The following FANCI variants were observed in gnomAD, a reference collection of about 807,000 sequenced individuals.
FANCI encodes Fanconi anemia group I protein.
In FANCI, 156 loss-of-function variants were observed where a neutral mutation model predicts 176.1. The observed-to-expected ratio is 0.89, with a 90% CI of 0.78 to 1.01. FANCI has a LOEUF of 1.01. FANCI is among the 50% of genes least tolerant of loss of function. The pLI, the probability that FANCI is intolerant of heterozygous loss-of-function variation, is 0.00. For synonymous variants in FANCI, 613 were observed against 541.7 expected (o/e 1.13, Z -1.83); for missense variants, 1,678 against 1,534.1 (o/e 1.09, Z -1.57).
intron 18 of FANCI, among the ~76,000 whole-genome samples, chr15:89,288,040 A>C (rs1384120522): frequency 6.6e-6 from 1 of 152,228 alleles, no homozygotes; most frequent in East Asian, 1.9e-4. Flanking sequence ...AATGGTACTG[A>C]GAGACTTGCT....
At chr15:89,250,906 C>G (rs1023826830) in intron 2 of FANCI, among the ~76,000 whole-genome samples, 31 of 150,466 alleles carry the variant, frequency 2.1e-4, no homozygotes, top group African/African-American at 6.6e-4. Context: ...AAATAAATTC[C>G]CAACTCAAAA....
chr15:89,316,229 C>A, intron 37 of FANCI, 168 bp from the exon 38 acceptor site: 1 of 710,080 alleles, frequency 1.4e-6, no homozygotes, highest in Admixed American at 2.4e-5. Flanking sequence ...TTGGAGGACT[C>A]CTTCCTCTTC....
At chr15:89,307,875 A>C in intron 34 of FANCI, 1 of 1,446,486 alleles carries the variant, frequency 6.9e-7, no homozygotes, top group Non-Finnish European at 9.0e-7. Context: ...GTTTCACTTA[A>C]TTTGGAGAAA....
intron 7 of FANCI, among the ~76,000 whole-genome samples, 193 bp downstream of exon 7, chr15:89,263,653 C>T (rs1402523506): frequency 6.6e-6 from 1 of 152,176 alleles, no homozygotes; most frequent in Non-Finnish European, 1.5e-5. Flanking sequence ...TTATTTAAAA[C>T]ATAACTTTAT....
At chr15:89,262,383 G>A (rs927082244) in intron 6 of FANCI, among the ~76,000 whole-genome samples, 22 of 152,032 alleles carry the variant, frequency 1.4e-4, no homozygotes, top group Admixed American at 3.9e-4. Flanking sequence ...GTTCAACACA[G>A]AAATTTGTGA....
rs2052698653 is a variant in FANCI, at chr15:89,261,200, G to T, written c.288+357G>T. ...GCAGGAAGATCGCCTGAGCCAGGGA[G>T]GCGGAGGTTGCAGTGAGCCGAGATT... On this transcript the variant is annotated intron_variant, in intron 4 of 37. Transcript: ENST00000310775. Among the ~76,000 whole-genome samples the T allele has an allele frequency of 3.3e-5, 5 of 152,210 alleles. No individual in the cohort carries two copies. The South Asian group carries it at 1.0e-3, about 32-fold the overall frequency.
rs749594162 is a variant in FANCI, at chr15:89,285,045, T to C, written c.1699-51T>C. On this transcript the variant is annotated intron_variant, in intron 17 of 37. Transcript: ENST00000310775. ...GAACATAGGCTCATTTAGCTCCTTA[T>C]TGGAAACAGCTTTGGTAAGATAGAC... The C allele has an allele frequency of 2.7e-5, 43 of 1,612,716 alleles. 1 individual carries two copies. Among genetic ancestry groups the C allele is most frequent in the South Asian group, 6.6e-5 (6 of 90,986 alleles).
intron 34 of FANCI, among the ~76,000 whole-genome samples, chr15:89,308,958 A>AT: frequency 6.6e-6 from 1 of 151,006 alleles, no homozygotes. Context: ...AAAAAAAAAA[A>AT]ATAAAGAATC....
In FANCI at chr15:89,251,452, GT is replaced by G. The variant is rs1403842627; in HGVS notation, c.84+3723del. Among the ~76,000 whole-genome samples, 3 of 152,150 alleles carry G rather than the reference GT, an allele frequency of 2.0e-5. No homozygotes were observed. In the East Asian group the frequency reaches 5.8e-4, roughly 29 times the overall value. ...ATAAATAATAAAGGAAAACTTCCAA[GT>G]TCTTTGAATGAAGCAAGTATAACAT... On this transcript the variant is annotated intron_variant, in intron 2 of 37. Transcript: ENST00000310775.
chr15:89,280,455 A>C (rs2053572736), intron 14 of FANCI, among the ~76,000 whole-genome samples: 2 of 152,154 alleles, frequency 1.3e-5, no homozygotes, highest in South Asian at 2.1e-4. Context: ...CCATCTTCTG[A>C]ATATGTCTTA....
chr15:89,274,010 A>T (rs979998761), intron 11 of FANCI, among the ~76,000 whole-genome samples, 158 bp from the exon 12 acceptor site: 1 of 152,146 alleles, frequency 6.6e-6, no homozygotes, highest in Non-Finnish European at 1.5e-5. Context: ...TGTCATAGGG[A>T]TATATGTGAA....
chr15:89,274,404 C>T (rs1292992338), intron 12 of FANCI, 100 bp downstream of exon 12: 7 of 1,339,828 alleles, frequency 5.2e-6, no homozygotes, highest in Non-Finnish European at 5.3e-6. Flanking sequence ...AAACTGATGA[C>T]TTAACAGCTG....
chr15:89,307,730 C>G (rs1443181160), intron 34 of FANCI, 58 bp downstream of exon 34: 3 of 1,613,762 alleles, frequency 1.9e-6, no homozygotes, highest in Non-Finnish European at 2.5e-6. Flanking sequence ...CTTACATGCC[C>G]AGGGGACTAT....
rs1392649259 is a variant in FANCI at position 89,301,415 on chromosome 15, C to G, written c.2979C>G (p.Ser993=). Residue 993 remains serine (S), a synonymous_variant, in exon 27 of 38, where the codon TCC becomes TCG. Transcript: ENST00000310775. The stretch of plus-strand genomic sequence containing the variant: ...TAGTCACGGTTCTTACCAGTTTGTC[C>G]AAGTTACTGGAGCCCTCCTCTCCTC... The part of the protein sequence containing the change: ...LLLVTVLTSL[S]KLLEPSSPQF... 1 of 1,613,892 alleles carries G rather than the reference C, an allele frequency of 6.2e-7. No homozygotes were observed. The highest frequency in any genetic ancestry group is 1.7e-5 in the Admixed American group (1 of 60,022).
intron 2 of FANCI, among the ~76,000 whole-genome samples, chr15:89,253,881 A>T (rs1223532053): frequency 6.8e-6 from 1 of 147,420 alleles, no homozygotes; most frequent in Non-Finnish European, 1.5e-5. Context: ...AACATAAGAA[A>T]ATATGCTCAA....
intron 9 of FANCI, 85 bp downstream of exon 9, chr15:89,264,692 C>T (rs1399225029): frequency 1.6e-6 from 2 of 1,237,100 alleles, no homozygotes; most frequent in East Asian, 2.6e-5. Flanking sequence ...TTTCTTCTCT[C>T]TCACCGCCTA....
chr15:89,315,786 C>G (rs2055213955), intron 37 of FANCI, among the ~76,000 whole-genome samples: 1 of 152,174 alleles, frequency 6.6e-6, no homozygotes, highest in Non-Finnish European at 1.5e-5. Flanking sequence ...CAATTCATGC[C>G]AATGTCTTGT....
At chr15:89,274,437 A>G (rs1169041325) in intron 12 of FANCI, 133 bp downstream of exon 12, 6 of 997,372 alleles carry the variant, frequency 6.0e-6, no homozygotes, top group African/African-American at 1.6e-5. Flanking sequence ...ATCGAGGTTC[A>G]TTTTCTTAAA....
At chr15:89,310,913 T>A (rs1040664244) in intron 34 of FANCI, among the ~76,000 whole-genome samples, 1 of 151,902 alleles carries the variant, frequency 6.6e-6, no homozygotes, top group Non-Finnish European at 1.5e-5. Flanking sequence ...TCACAAGGTC[T>A]GGAGTTTGAG....
Sources: allele counts gnomAD v4.1 joint callset (sites outside exome capture counted in the v4.1 genomes callset), GRCh38; gene constraint gnomAD v4.1.1; transcripts MANE v1.5; gene names NCBI Gene and HGNC (gene_info 2026-07-23, HGNC 2026-07-21).